Variants in GRXCR1 observed in about 807,000 individuals in gnomAD.
GRXCR1 encodes the protein glutaredoxin domain-containing cysteine-rich protein 1.
A neutral mutation model predicts 27.3 loss-of-function variants in GRXCR1; 27 were observed. The observed-to-expected ratio is 0.99, with a 90% CI of 0.73 to 1.37. GRXCR1 has a LOEUF of 1.37. Among genes scored for constraint, GRXCR1 ranks in the 40% most tolerant of loss-of-function variants. GRXCR1 has a pLI of 0.00. For synonymous variants in GRXCR1, 122 were observed against 131.1 expected (o/e 0.93, Z 0.47); for missense variants, 379 against 354.4 (o/e 1.07, Z -0.56).
chr4:42,982,210 C>G (rs1167175826), intron 2 of GRXCR1, among the ~76,000 whole-genome samples: 10 of 149,660 alleles, frequency 6.7e-5, no homozygotes, highest in African/African-American at 2.5e-4. Flanking sequence ...CCCCCCTCCC[C>G]CTACCCCACA....
chr4:42,956,452 ATT>A (rs541047034), intron 1 of GRXCR1, among the ~76,000 whole-genome samples: 5 of 143,270 alleles, frequency 3.5e-5, no homozygotes, highest in Admixed American at 7.0e-5. Flanking sequence ...GAAGAGGAGG[ATT>A]TTTTTTTTTT....
At chr4:42,909,001 C>A (rs757137680) in intron 1 of GRXCR1, among the ~76,000 whole-genome samples, 32 of 152,250 alleles carry the variant, frequency 2.1e-4, no homozygotes, top group Non-Finnish European at 3.2e-4. Context: ...ACGAAGAGAT[C>A]CAGAGCCAGC....
intron 2 of GRXCR1, among the ~76,000 whole-genome samples, chr4:42,968,054 C>A (rs1748288028): frequency 6.6e-6 from 1 of 152,110 alleles, no homozygotes; most frequent in African/African-American, 2.4e-5. Context: ...TGCTGAGCAG[C>A]CAGTCTGGGC....
Position 42,973,459 on chromosome 4 carries a change from G to T in GRXCR1, c.627+10325G>T, listed in dbSNP as rs1048977786. On this transcript the variant is annotated intron_variant, in intron 2 of 3. Coordinates refer to ENST00000399770, the MANE Select transcript of GRXCR1 (RefSeq NM_001080476.3). ...TCTTGTAAAGTCTTTTCATTTTGGG[G>T]GTCCTTGCCGATGTTTTTTTTTTCT... 5.3e-5 allele frequency among the ~76,000 whole-genome samples: 8 copies of T among 151,148 alleles called. No individual in the cohort carries two copies. In the South Asian group the frequency reaches 1.5e-3, roughly 28 times the overall value.
At chr4:43,018,801 C>T (rs1713009790) in intron 2 of GRXCR1, among the ~76,000 whole-genome samples, 1 of 152,124 alleles carries the variant, frequency 6.6e-6, no homozygotes, top group Non-Finnish European at 1.5e-5. Context: ...TAAAATGTTA[C>T]CAGTTATTAC....
chr4:43,017,517 C>T (rs1379164327), intron 2 of GRXCR1, among the ~76,000 whole-genome samples: 1 of 151,936 alleles, frequency 6.6e-6, no homozygotes, highest in African/African-American at 2.4e-5. Flanking sequence ...TACTTCGCAC[C>T]AATGCTTAGA....
chr4:42,955,432 A>G (rs1420203171), intron 1 of GRXCR1, among the ~76,000 whole-genome samples: 2 of 152,118 alleles, frequency 1.3e-5, no homozygotes, highest in Non-Finnish European at 2.9e-5. Flanking sequence ...CTTTATCCTC[A>G]GGAGTGGGTA....
At chr4:42,944,679 T>C (rs1044483874) in intron 1 of GRXCR1, among the ~76,000 whole-genome samples, 2 of 152,134 alleles carry the variant, frequency 1.3e-5, no homozygotes, top group African/African-American at 4.8e-5. Context: ...TTCAGAATTC[T>C]TAATACTGTG....
At position 42,975,750 on chromosome 4, in the gene GRXCR1, G is replaced by A. The variant is rs1460419336; in HGVS notation, c.627+12616G>A. Among the ~76,000 whole-genome samples, 3 of 152,000 alleles carry A rather than the reference G, an allele frequency of 2.0e-5. No homozygotes were observed. The East Asian group carries it at 5.8e-4, about 29-fold the overall frequency. ...TACCTTTGACTTTTGACATTTGTTT[G>A]GCTATCTCCTCTTCCCTCAAGTCTT... On this transcript the variant is annotated intron_variant, in intron 2 of 3. Coordinates refer to ENST00000399770, the MANE Select transcript of GRXCR1 (RefSeq NM_001080476.3).
chr4:43,001,309 C>A (rs540053643), intron 2 of GRXCR1, among the ~76,000 whole-genome samples: 2 of 152,082 alleles, frequency 1.3e-5, no homozygotes, highest in South Asian at 4.2e-4. Flanking sequence ...TTTTTAAATT[C>A]ACCTTGGGCA....
At chr4:42,975,722 CT>C (rs1748504707) in intron 2 of GRXCR1, among the ~76,000 whole-genome samples, 1 of 152,138 alleles carries the variant, frequency 6.6e-6, no homozygotes, top group Non-Finnish European at 1.5e-5. Flanking sequence ...TTGGTTAAAT[CT>C]TTACCTTTGA....
chr4:42,987,992 C>T (rs551503803), intron 2 of GRXCR1, among the ~76,000 whole-genome samples: 2 of 152,288 alleles, frequency 1.3e-5, no homozygotes, highest in East Asian at 3.9e-4. Flanking sequence ...CCTCCTTGCT[C>T]TTCTCATTGG....
chr4:42,935,789 G>A (rs914719470), intron 1 of GRXCR1, among the ~76,000 whole-genome samples: 2 of 151,838 alleles, frequency 1.3e-5, no homozygotes, highest in African/African-American at 2.4e-5. Context: ...ATCTTAATGC[G>A]TTTTATTACT....
chr4:42,945,773 T>A (rs908496652), intron 1 of GRXCR1, among the ~76,000 whole-genome samples: 1 of 152,296 alleles, frequency 6.6e-6, no homozygotes, highest in Non-Finnish European at 1.5e-5. Context: ...AGGATAACGA[T>A]GCTCTCTGTC....
At chr4:42,903,308 ATTTTTT>A (rs35512711) in intron 1 of GRXCR1, among the ~76,000 whole-genome samples, 8 of 63,176 alleles carry the variant, frequency 1.3e-4, no homozygotes, top group African/African-American at 1.6e-4. Flanking sequence ...AGCTTTGTAG[ATTTTTT>A]TTTTTTTTTT....
intron 1 of GRXCR1, among the ~76,000 whole-genome samples, chr4:42,919,652 C>T (rs1482197680): frequency 6.6e-6 from 1 of 152,076 alleles, no homozygotes; most frequent in Non-Finnish European, 1.5e-5. Context: ...ATGTTTTCTT[C>T]ATTGTTCTCA....
intron 2 of GRXCR1, among the ~76,000 whole-genome samples, chr4:42,996,918 G>C (rs1712184434): frequency 1.3e-5 from 2 of 151,972 alleles, no homozygotes; most frequent in African/African-American, 4.8e-5. Context: ...CAATGGGATG[G>C]GCTGTCTTTG....
intron 2 of GRXCR1, among the ~76,000 whole-genome samples, chr4:42,995,952 C>T (rs1233332509): frequency 6.6e-6 from 1 of 152,162 alleles, no homozygotes; most frequent in African/African-American, 2.4e-5. Context: ...TTATCTACTA[C>T]TATGGGTCCT....
At chr4:42,983,065 T>C (rs992399427) in intron 2 of GRXCR1, among the ~76,000 whole-genome samples, 1 of 151,770 alleles carries the variant, frequency 6.6e-6, no homozygotes, top group Non-Finnish European at 1.5e-5. Context: ...TTTAATTAGA[T>C]CCCATTTGTC....
Sources: allele counts gnomAD v4.1 joint callset (sites outside exome capture counted in the v4.1 genomes callset), GRCh38; gene constraint gnomAD v4.1.1; transcripts MANE v1.5; gene names NCBI Gene and HGNC (gene_info 2026-07-23, HGNC 2026-07-21).